CRYBG3: variants seen among roughly 807,000 people sequenced by gnomAD.
CRYBG3 encodes very large A-kinase anchor protein.
A neutral mutation model predicts 244.2 loss-of-function variants in CRYBG3; 127 were observed. The observed-to-expected ratio is 0.52, with a 90% CI of 0.45 to 0.60. The LOEUF is 0.60. CRYBG3 is among the 20% of genes least tolerant of loss of function. The pLI is 0.00. For missense variants in CRYBG3, 3,325 were observed against 3,442.5 expected, an observed-to-expected ratio of 0.97 and a Z score of 0.85; for synonymous variants, 1,132 against 1,195.8, an observed-to-expected ratio of 0.95 and a Z score of 1.10.
At chr3:97,905,490 G>C (rs1332984013) in intron 15 of CRYBG3, among the ~76,000 whole-genome samples, 1 of 151,908 alleles carries the variant, frequency 6.6e-6, no homozygotes. Context: ...TTCTCTGATG[G>C]CCAGTGATGA....
intron 1 of CRYBG3, among the ~76,000 whole-genome samples, chr3:97,838,378 G>A (rs1456858713): frequency 6.6e-6 from 1 of 152,074 alleles, no homozygotes; most frequent in Admixed American, 6.6e-5. Flanking sequence ...GCTAAAGATA[G>A]AGAGGCTCTC....
intron 17 of CRYBG3, among the ~76,000 whole-genome samples, chr3:97,928,835 T>G (rs773592240): frequency 1.1e-4 from 16 of 151,950 alleles, no homozygotes; most frequent in Non-Finnish European, 2.4e-4. Flanking sequence ...ATTTTTGATT[T>G]TAAAGCTTTT....
At chr3:97,912,306 GTTAT>G (rs1292853744) in intron 16 of CRYBG3, 30 bp downstream of exon 16, 1 of 1,148,986 alleles carries the variant, frequency 8.7e-7, no homozygotes, top group Admixed American at 2.2e-5. Context: ...GGTTTCTGCT[GTTAT>G]TTAATAACTA....
At chr3:97,841,900 C>A (rs1309367101) in intron 1 of CRYBG3, among the ~76,000 whole-genome samples, 1 of 152,146 alleles carries the variant, frequency 6.6e-6, no homozygotes, top group Non-Finnish European at 1.5e-5. Context: ...ATATTAAAAG[C>A]AAACAAATAA....
In CRYBG3 at chr3:97,876,394, G is replaced by A; in HGVS notation, c.5200G>A (p.Val1734Met). 1.6e-6 allele frequency: 2 copies of A among 1,232,148 alleles called. No individual in the cohort carries two copies. Among genetic ancestry groups the A allele is most frequent in the South Asian group, 4.1e-5 (1 of 24,320 alleles). The allele number at this position is 1,232,148 out of a possible 1,614,324, so 76.3% of individuals were successfully genotyped here. Residue 1734 changes from valine (V) to methionine (M), a missense_variant, in exon 4 of 22, where the codon GTG becomes ATG. Val to Met is a conservative substitution (Grantham distance 21). Around this residue, in one of 4 missense-constraint regions of CRYBG3, gnomAD observed 635 missense variants for 771.7 expected, o/e 0.82. Coordinates refer to ENST00000389622, the MANE Select transcript of CRYBG3 (RefSeq NM_153605.4). ...TATTGGAAAGGCTGAAGTGATGCCT[G>A]TGAGGTTAGAAATGGAAAATACTTA... is the stretch of plus-strand genomic sequence containing the variant. Reference protein sequence around the residue: ...GDIGKAEVMPVRLEMENTYPK... With the variant: ...GDIGKAEVMPMRLEMENTYPK...
At chr3:97,916,824 A>G (rs2039933908) in intron 17 of CRYBG3, among the ~76,000 whole-genome samples, 1 of 152,150 alleles carries the variant, frequency 6.6e-6, no homozygotes, top group Non-Finnish European at 1.5e-5. Flanking sequence ...GTGGCTCTGT[A>G]GACACCAACA....
Position 97,875,465 on chromosome 3 carries a change from C to G in CRYBG3, c.4271C>G (p.Thr1424Arg). ...AGTATAAATTTGCAGGAATCAGATA[C>G]GGTTTTACTAGCTGAAGACATGTCA... ...SDSINLQESD[T>R]VLLAEDMSHK... Residue 1424 changes from threonine to arginine, a missense_variant, in exon 4 of 22, where the codon ACG becomes AGG. Thr to Arg is a moderately conservative substitution (Grantham distance 71, BLOSUM62 -1). Coordinates refer to ENST00000389622, the MANE Select transcript of CRYBG3 (RefSeq NM_153605.4). The G allele has an allele frequency of 7.6e-7, 1 of 1,318,082 alleles. No homozygotes were observed. Among genetic ancestry groups the G allele is most frequent in the Non-Finnish European group, 9.6e-7 (1 of 1,040,830 alleles). The allele number at this position is 1,318,082 out of a possible 1,614,324, so 81.6% of individuals were successfully genotyped here. A position where few individuals can be genotyped will look rare whatever the true frequency, so the allele number is the denominator to read the frequency against.
rs577709493 is a variant in CRYBG3 at position 97,877,021 on chromosome 3, G to T, written c.5827G>T (p.Gly1943Cys). 2.2e-5 allele frequency: 34 copies of T among 1,568,038 alleles called. No homozygotes were observed. The South Asian group carries it at 4.0e-4, about 19-fold the overall frequency. Residue 1943 changes from glycine (G) to cysteine (C), a missense_variant, in exon 4 of 22, where the codon GGC becomes TGC. Around this residue, in one of 4 missense-constraint regions of CRYBG3, gnomAD observed 450 missense variants for 424.1 expected, o/e 1.06. Coordinates refer to ENST00000389622, the MANE Select transcript of CRYBG3 (RefSeq NM_153605.4). ...CCCTACATTAAGTAAGGATTATGAG[G>T]GCTACCCAGCCCCAGCAATGCCAGA... The part of the protein sequence containing the change: ...ESPTLSKDYE[G>C]YPAPAMPDFQ...
intron 15 of CRYBG3, among the ~76,000 whole-genome samples, chr3:97,907,477 G>C (rs1435734288): frequency 6.6e-6 from 1 of 150,866 alleles, no homozygotes; most frequent in Non-Finnish European, 1.5e-5. Flanking sequence ...AGTCTTGGGA[G>C]AGTGTATGTG....
chr3:97,907,494 A>T (rs1402610496), intron 15 of CRYBG3, among the ~76,000 whole-genome samples: 1 of 150,352 alleles, frequency 6.7e-6, no homozygotes, highest in Non-Finnish European at 1.5e-5. Context: ...TGTGTCAAGG[A>T]ATTTATCCAT....
rs942812571 is a variant in CRYBG3, at chr3:97,822,469, C to G, written c.149+114C>G. 6 of 1,022,378 alleles carry G rather than the reference C, an allele frequency of 5.9e-6. No homozygotes were observed. The African/African-American group carries it at 1.0e-4, about 17-fold the overall frequency. 63.3% of individuals were successfully genotyped at this position (1,022,378 alleles called of 1,614,324 possible). ...TTGGGCCAGGCTGCAGTTCGCTCGC[C>G]ACTTTCTGTTCTCCTTCCTCCATTG... On this transcript the variant is annotated intron_variant, in intron 1 of 21. Coordinates refer to ENST00000389622, the MANE Select transcript of CRYBG3 (RefSeq NM_153605.4).
intron 3 of CRYBG3, among the ~76,000 whole-genome samples, chr3:97,870,724 T>G (rs1358184402): frequency 6.6e-6 from 1 of 152,210 alleles, no homozygotes. Context: ...TAGCAGTAAG[T>G]ATCATTCCTT....
At chr3:97,835,785 C>T (rs1030445638) in intron 1 of CRYBG3, among the ~76,000 whole-genome samples, 22 of 152,020 alleles carry the variant, frequency 1.4e-4, no homozygotes, top group Admixed American at 4.6e-4. Flanking sequence ...GTCTCCAGTG[C>T]GCTGTCTTCA....
chr3:97,853,074 T>G (rs2039011267), intron 2 of CRYBG3, among the ~76,000 whole-genome samples: 1 of 152,150 alleles, frequency 6.6e-6, no homozygotes, highest in Non-Finnish European at 1.5e-5. Flanking sequence ...GATAAGTACT[T>G]TAGTGGTGAT....
intron 2 of CRYBG3, among the ~76,000 whole-genome samples, chr3:97,861,940 G>T (rs892403163): frequency 6.6e-6 from 1 of 152,050 alleles, no homozygotes; most frequent in Non-Finnish European, 1.5e-5. Flanking sequence ...TGTTGAAGGT[G>T]TTTTAATTAC....
At chr3:97,897,481 T>C (rs2039652634) in intron 12 of CRYBG3, among the ~76,000 whole-genome samples, 1 of 151,978 alleles carries the variant, frequency 6.6e-6, no homozygotes, top group Admixed American at 6.6e-5. Flanking sequence ...TTGTTCCTTA[T>C]TCTCAAGCAG....
chr3:97,865,960 A>G (rs913409621), intron 3 of CRYBG3, among the ~76,000 whole-genome samples: 3 of 152,220 alleles, frequency 2.0e-5, no homozygotes, highest in African/African-American at 4.8e-5. Flanking sequence ...TGAGAAAATT[A>G]TACACAAAAA....
At chr3:97,864,806 T>C (rs1439018962) in intron 3 of CRYBG3, among the ~76,000 whole-genome samples, 159 bp downstream of exon 3, 4 of 152,148 alleles carry the variant, frequency 2.6e-5, no homozygotes, top group African/African-American at 9.7e-5. Context: ...ACCATACAAG[T>C]AATCAATCAT....
chr3:97,858,496 C>A (rs2039098869), intron 2 of CRYBG3, among the ~76,000 whole-genome samples: 1 of 152,022 alleles, frequency 6.6e-6, no homozygotes, highest in African/African-American at 2.4e-5. Flanking sequence ...TTTCCCATCT[C>A]TTTTCCTCCT....
Sources: gnomAD v4.1 joint callset for allele counts (sites outside exome capture counted in the v4.1 genomes callset) on GRCh38, gnomAD v4.1.1 for gene constraint, gnomAD v4.1.1 regional missense constraint, MANE v1.5 for transcripts, NCBI Gene and HGNC (gene_info 2026-07-23, HGNC 2026-07-21) for gene names.